Variants in AUTS2 observed in about 807,000 individuals in gnomAD.
AUTS2 encodes the protein autism susceptibility gene 2 protein.
Under a neutral mutation model 112.4 loss-of-function variants are expected in AUTS2, and 17 were observed. The observed-to-expected ratio is 0.15, with a 90% CI of 0.10 to 0.23. The LOEUF (loss-of-function observed/expected upper bound fraction) is 0.23, where lower values mean the gene tolerates loss of function less well. Among genes scored for constraint, AUTS2 ranks in the 10% least tolerant of loss-of-function variants. The pLI is 1.00. For synonymous variants in AUTS2, 751 were observed against 702.7 expected (o/e 1.07, Z -1.09); for missense variants, 1,510 against 1,701.6 (o/e 0.89, Z 1.98).
chr7:69,797,360 T>C (rs1789890579), intron 1 of AUTS2, among the ~76,000 whole-genome samples: 1 of 152,226 alleles, frequency 6.6e-6, no homozygotes, highest in Non-Finnish European at 1.5e-5. Context: ...TCCAGGATTA[T>C]GTGCAGATCC....
chr7:70,386,125 A>G (rs1325402766), intron 4 of AUTS2, among the ~76,000 whole-genome samples: 2 of 152,212 alleles, frequency 1.3e-5, no homozygotes, highest in Non-Finnish European at 2.9e-5. Flanking sequence ...AGAAGCATAC[A>G]ATACTGAGAA....
intron 4 of AUTS2, among the ~76,000 whole-genome samples, chr7:70,332,568 C>T (rs955788019): frequency 2.6e-5 from 4 of 152,146 alleles, no homozygotes; most frequent in African/African-American, 9.7e-5. Flanking sequence ...AACTATACTA[C>T]AAGGCTACAG....
chr7:69,985,378 G>GACC (rs1394816737), intron 2 of AUTS2, among the ~76,000 whole-genome samples: 1 of 152,114 alleles, frequency 6.6e-6, no homozygotes, highest in Non-Finnish European at 1.5e-5. Context: ...AAATAGAAGT[G>GACC]GTGGTACAAA....
chr7:70,217,483 A>G (rs1401333845), intron 4 of AUTS2, among the ~76,000 whole-genome samples: 2 of 152,188 alleles, frequency 1.3e-5, no homozygotes, highest in East Asian at 3.9e-4. Context: ...CCCACTTTTC[A>G]TTTCCTAGTT....
intron 2 of AUTS2, among the ~76,000 whole-genome samples, chr7:69,980,196 C>G (rs1344835457): frequency 6.6e-6 from 1 of 152,214 alleles, no homozygotes; most frequent in Non-Finnish European, 1.5e-5. Flanking sequence ...GATCCTCCAG[C>G]CTCAGCCTCC....
At chr7:70,235,562 C>G (rs921514003) in intron 4 of AUTS2, among the ~76,000 whole-genome samples, 1 of 152,132 alleles carries the variant, frequency 6.6e-6, no homozygotes, top group African/African-American at 2.4e-5. Context: ...AAAATACGTA[C>G]TATCTGTTTT....
intron 1 of AUTS2, among the ~76,000 whole-genome samples, chr7:69,781,921 CAGAA>C (rs1262767883): frequency 6.6e-6 from 1 of 152,254 alleles, no homozygotes; most frequent in South Asian, 2.1e-4. Context: ...GGCTCTCTAG[CAGAA>C]AGACTTATTA....
chr7:70,673,106 A>G (rs566689773), intron 5 of AUTS2, among the ~76,000 whole-genome samples: 83 of 152,328 alleles, frequency 5.4e-4, no homozygotes, highest in African/African-American at 2.0e-3. Flanking sequence ...GGCTGGTAAC[A>G]CAAATCTTCT....
At chr7:70,605,247 T>C (rs1803669343) in intron 5 of AUTS2, among the ~76,000 whole-genome samples, 1 of 152,226 alleles carries the variant, frequency 6.6e-6, no homozygotes, top group Non-Finnish European at 1.5e-5. Context: ...TTTCTTTCCT[T>C]GGAAATGCTG....
chr7:70,598,878 C>T (rs1346074617), intron 5 of AUTS2, among the ~76,000 whole-genome samples: 1 of 152,156 alleles, frequency 6.6e-6, no homozygotes, highest in Admixed American at 6.5e-5. Context: ...ATGGGACTCC[C>T]AGTAAATTAG....
At chr7:70,077,183 C>T (rs1562667688) in intron 2 of AUTS2, among the ~76,000 whole-genome samples, 1 of 152,002 alleles carries the variant, frequency 6.6e-6, no homozygotes, top group Non-Finnish European at 1.5e-5. Context: ...AAGTCACTGG[C>T]AATATTGTAG....
intron 5 of AUTS2, among the ~76,000 whole-genome samples, chr7:70,610,768 G>A (rs561867382): frequency 5.3e-4 from 80 of 152,174 alleles, no homozygotes; most frequent in African/African-American, 1.9e-3. Flanking sequence ...AAATATATCT[G>A]TTGGCCATTT....
intron 4 of AUTS2, among the ~76,000 whole-genome samples, chr7:70,434,109 C>T (rs1795791414): frequency 6.6e-6 from 1 of 152,154 alleles, no homozygotes; most frequent in South Asian, 2.1e-4. Context: ...CACTCATGTT[C>T]AAAGGCCAAA....
intron 4 of AUTS2, among the ~76,000 whole-genome samples, chr7:70,315,717 C>T (rs776891140): frequency 6.6e-5 from 10 of 152,110 alleles, no homozygotes; most frequent in Non-Finnish European, 1.5e-4. Flanking sequence ...CATTTGACCT[C>T]CTCCCTCTCT....
chr7:69,625,123 A>C (rs1793883614), intron 1 of AUTS2, among the ~76,000 whole-genome samples: 1 of 152,056 alleles, frequency 6.6e-6, no homozygotes, highest in Non-Finnish European at 1.5e-5. Flanking sequence ...TTTAGATTAG[A>C]AGATGCTTTC....
intron 1 of AUTS2, among the ~76,000 whole-genome samples, chr7:69,633,736 T>G (rs1189602984): frequency 6.6e-6 from 1 of 152,188 alleles, no homozygotes; most frequent in African/African-American, 2.4e-5. Context: ...TATTGGCAGT[T>G]TTATGTTTTC....
chr7:70,544,311 T>G (rs1481061784), intron 5 of AUTS2, among the ~76,000 whole-genome samples: 1 of 152,208 alleles, frequency 6.6e-6, no homozygotes, highest in African/African-American at 2.4e-5. Flanking sequence ...GGTGCCTGAT[T>G]TTTACATTTA....
At chr7:70,383,586 G>A (rs746975463) in intron 4 of AUTS2, among the ~76,000 whole-genome samples, 16 of 152,126 alleles carry the variant, frequency 1.1e-4, no homozygotes, top group African/African-American at 3.1e-4. Context: ...GGCATTCTTC[G>A]CAGCACAGAC....
chr7:70,714,185 T>A (rs1293255351), intron 6 of AUTS2, among the ~76,000 whole-genome samples: 1 of 152,182 alleles, frequency 6.6e-6, no homozygotes, highest in African/African-American at 2.4e-5. Flanking sequence ...AATCGGGAGC[T>A]TTTTACAAAA....
Sources: gnomAD v4.1 joint callset for allele counts (sites outside exome capture counted in the v4.1 genomes callset) on GRCh38, gnomAD v4.1.1 for gene constraint, MANE v1.5 for transcripts, NCBI Gene and HGNC (gene_info 2026-07-23, HGNC 2026-07-21) for gene names.